FGGY: variants seen among roughly 807,000 people sequenced by gnomAD.
FGGY encodes FGGY carbohydrate kinase domain-containing protein.
FGGY carries 72 observed loss-of-function variants against 71.3 expected under a neutral mutation model. The ratio of observed to expected loss-of-function variants is 1.01; its 90% CI spans 0.84 to 1.23. The LOEUF (loss-of-function observed/expected upper bound fraction) is 1.23. FGGY is among the 50% of genes most tolerant of loss of function. The pLI, the probability that FGGY is intolerant of heterozygous loss-of-function variation, is 0.00. For missense variants in FGGY, 668 were observed against 682.3 expected, an observed-to-expected ratio of 0.98 and a Z score of 0.23; for synonymous variants, 251 against 250.3, an observed-to-expected ratio of 1.00 and a Z score of -0.02.
At chr1:59,524,679 C>A (rs552395208) in intron 7 of FGGY, among the ~76,000 whole-genome samples, 15 of 152,056 alleles carry the variant, frequency 9.9e-5, no homozygotes, top group African/African-American at 3.6e-4. Flanking sequence ...CTACCCACTT[C>A]GGGTCTCCTC....
At chr1:59,589,142 A>T (rs544380030) in intron 8 of FGGY, among the ~76,000 whole-genome samples, 204 of 152,336 alleles carry the variant, frequency 1.3e-3, no homozygotes, top group Middle Eastern at 6.8e-3. Flanking sequence ...TTGCAATCCT[A>T]GTCTCTGATA....
chr1:59,319,033 T>G (rs755398979), intron 1 of FGGY, among the ~76,000 whole-genome samples: 3 of 152,248 alleles, frequency 2.0e-5, no homozygotes, highest in Non-Finnish European at 2.9e-5. Flanking sequence ...TGTCAATCAG[T>G]GTATCCTCAG....
At chr1:59,514,124 G>A (rs2094582173) in intron 7 of FGGY, among the ~76,000 whole-genome samples, 1 of 152,174 alleles carries the variant, frequency 6.6e-6, no homozygotes, top group Admixed American at 6.5e-5. Flanking sequence ...GAGAGAACTT[G>A]AGGTCTAGGC....
chr1:59,533,032 G>A (rs377269783), intron 7 of FGGY, among the ~76,000 whole-genome samples: 11 of 152,278 alleles, frequency 7.2e-5, no homozygotes, highest in East Asian at 3.9e-4. Flanking sequence ...AACAGCTCCC[G>A]TCTACAGCTC....
In FGGY at chr1:59,615,178, G is replaced by T. The variant is rs192769750; in HGVS notation, c.1011+7268G>T. 3.0e-4 allele frequency among the ~76,000 whole-genome samples: 45 copies of T among 152,294 alleles called. 1 individual carries two copies. The East Asian group carries it at 6.6e-3, about 22-fold the overall frequency. ...AAAGTTCATATGGAATCAAAAAAGA[G>T]CCCATATTGCCAAGTCAATCCTAAG... On this transcript the variant is annotated intron_variant, in intron 9 of 15. Coordinates refer to ENST00000303721, the MANE Select transcript of FGGY (RefSeq NM_018291.5).
chr1:59,734,785 C>T lies in FGGY; in HGVS notation c.1513-23146C>T, dbSNP rs139222143. Among the ~76,000 whole-genome samples the T allele has an allele frequency of 1.8e-3, 271 of 152,276 alleles. 2 individuals carry two copies. The highest frequency in any genetic ancestry group is 0.015 in the South Asian group (71 of 4,826). ...TGCCCTCCCACAGAGAGAGGAAGGCCTCGGGAGCTGGTTGTGGGCTCACCT... is the reference window on the plus strand; with the variant it reads ...TGCCCTCCCACAGAGAGAGGAAGGCTTCGGGAGCTGGTTGTGGGCTCACCT... On this transcript the variant is annotated intron_variant, in intron 14 of 15. Coordinates refer to ENST00000303721, the MANE Select transcript of FGGY (RefSeq NM_018291.5).
intron 14 of FGGY, among the ~76,000 whole-genome samples, chr1:59,733,462 T>TTTTG (rs1553437709): frequency 0.1 from 7,217 of 69,980 alleles, 217 homozygotes; most frequent in Middle Eastern, 0.17. Flanking sequence ...TTTTGTTTTG[T>TTTTG]TTTTTTGTTT....
At chr1:59,695,689 G>T (rs1159262190) in intron 14 of FGGY, among the ~76,000 whole-genome samples, 1 of 152,202 alleles carries the variant, frequency 6.6e-6, no homozygotes, top group East Asian at 1.9e-4. Context: ...AGGACTTTCA[G>T]ATCTGCCTGA....
chr1:59,611,558 G>A (rs957945108), intron 9 of FGGY, among the ~76,000 whole-genome samples: 6 of 152,182 alleles, frequency 3.9e-5, no homozygotes, highest in Non-Finnish European at 5.9e-5. Context: ...AAAAAACAGA[G>A]CAGAAAAACT....
At chr1:59,554,507 C>T (rs1377683280) in intron 8 of FGGY, among the ~76,000 whole-genome samples, 3 of 152,172 alleles carry the variant, frequency 2.0e-5, no homozygotes, top group Non-Finnish European at 4.4e-5. Flanking sequence ...ATGGTGACAT[C>T]TGATCCTAAG....
At chr1:59,406,313 C>A (rs1214785470) in intron 5 of FGGY, among the ~76,000 whole-genome samples, 2 of 151,932 alleles carry the variant, frequency 1.3e-5, no homozygotes, top group African/African-American at 4.8e-5. Flanking sequence ...CTTGTTTCAG[C>A]TCTCATAGTG....
At chr1:59,319,874 G>T (rs1057002134) in intron 1 of FGGY, among the ~76,000 whole-genome samples, 2 of 152,192 alleles carry the variant, frequency 1.3e-5, no homozygotes, top group African/African-American at 4.8e-5. Context: ...GGGACTGCTG[G>T]GGGGAAGGGC....
At chr1:59,543,511 C>T (rs1317380997) in intron 7 of FGGY, among the ~76,000 whole-genome samples, 2 of 152,174 alleles carry the variant, frequency 1.3e-5, no homozygotes, top group Non-Finnish European at 2.9e-5. Context: ...AGAAACTTGG[C>T]CTGGTTTTGG....
intron 9 of FGGY, among the ~76,000 whole-genome samples, chr1:59,608,374 T>C (rs1156440894): frequency 6.6e-6 from 1 of 152,204 alleles, no homozygotes; most frequent in Admixed American, 6.5e-5. Flanking sequence ...CCTCCTGTCA[T>C]TGCACTTCTC....
chr1:59,740,274 A>G (rs926896825), intron 14 of FGGY, among the ~76,000 whole-genome samples: 2 of 152,236 alleles, frequency 1.3e-5, no homozygotes, highest in African/African-American at 4.8e-5. Flanking sequence ...CCCATTTTCT[A>G]CAATGACTAT....
At chr1:59,316,162 G>A (rs759413327) in intron 1 of FGGY, 2 of 152,172 alleles carry the variant, frequency 1.3e-5, no homozygotes, top group Non-Finnish European at 2.9e-5. Context: ...CCTGATTGCA[G>A]TATAACTAAC....
At chr1:59,314,847 T>A (rs192517189) in intron 1 of FGGY, among the ~76,000 whole-genome samples, 13 of 152,320 alleles carry the variant, frequency 8.5e-5, no homozygotes, top group Admixed American at 8.5e-4. Context: ...CAAGACACAG[T>A]CCTGCATTGC....
chr1:59,381,820 A>AT (rs1204904468), intron 5 of FGGY, among the ~76,000 whole-genome samples: 2 of 152,152 alleles, frequency 1.3e-5, no homozygotes, highest in Admixed American at 6.6e-5. Context: ...GTCAACAACT[A>AT]TTTTTCAGTA....
chr1:59,438,954 T>C (rs2069130209), intron 5 of FGGY, among the ~76,000 whole-genome samples: 2 of 152,312 alleles, frequency 1.3e-5, no homozygotes, highest in African/African-American at 2.4e-5. Context: ...TGCATCTTTG[T>C]CTATAATGTT....
Sources: allele counts gnomAD v4.1 joint callset (sites outside exome capture counted in the v4.1 genomes callset), GRCh38; gene constraint gnomAD v4.1.1; transcripts MANE v1.5; gene names NCBI Gene and HGNC (gene_info 2026-07-23, HGNC 2026-07-21).